Variants in SCML2 observed in about 807,000 individuals in gnomAD.
The protein encoded by SCML2 is sex comb on midleg-like protein 2.
SCML2 carries 6 observed loss-of-function variants against 48.4 expected under a neutral mutation model. That is an observed-to-expected ratio of 0.12 (90% CI 0.07 to 0.24). The LOEUF is 0.24. SCML2 is among the 10% of genes least tolerant of loss of function. The pLI is 1.00. For missense variants in SCML2, 377 were observed against 528.2 expected, an observed-to-expected ratio of 0.71 and a Z score of 2.81; for synonymous variants, 181 against 189.5, an observed-to-expected ratio of 0.95 and a Z score of 0.37.
intron 13 of SCML2, among the ~76,000 whole-genome samples, 170 bp downstream of exon 13, chrX:18,246,407 G>A (rs1014119180): frequency 8.9e-6 from 1 of 112,213 alleles, no homozygotes; most frequent in East Asian, 2.8e-4. Flanking sequence ...GTGCTGTCAA[G>A]AGGATTGGAG....
At chrX:18,248,107 C>T (rs1010120079) in intron 11 of SCML2, among the ~76,000 whole-genome samples, 3 of 111,736 alleles carry the variant, frequency 2.7e-5, no homozygotes, top group Non-Finnish European at 5.6e-5. Context: ...CCAGAAGGAG[C>T]ATATCTAGGC....
intron 8 of SCML2, among the ~76,000 whole-genome samples, chrX:18,262,443 C>T (rs1455224690): frequency 2.0e-5 from 2 of 101,858 alleles, no homozygotes; most frequent in Admixed American, 1.1e-4. Flanking sequence ...TGGGTTCAAG[C>T]GATTCTCGTG....
chrX:18,250,540 C>T (rs1212091970), intron 11 of SCML2, among the ~76,000 whole-genome samples: 3 of 109,836 alleles, frequency 2.7e-5, no homozygotes, highest in Non-Finnish European at 5.7e-5. Context: ...CGCCACCACA[C>T]CTGGCAATTT....
chrX:18,345,400 AT>A (rs1031813656), intron 1 of SCML2, among the ~76,000 whole-genome samples: 3 of 108,374 alleles, frequency 2.8e-5, no homozygotes, highest in African/African-American at 6.7e-5. Flanking sequence ...TTTAAAAACA[AT>A]TTTTTTTTTG....
chrX:18,312,152 T>C (rs1346840120), intron 6 of SCML2, among the ~76,000 whole-genome samples: 1 of 111,992 alleles, frequency 8.9e-6, no homozygotes, highest in African/African-American at 3.2e-5. Flanking sequence ...TGTAAAGTTA[T>C]AAATGCAGAG....
At chrX:18,321,045 GAT>G (rs778548160) in intron 5 of SCML2, among the ~76,000 whole-genome samples, 35 of 111,698 alleles carry the variant, frequency 3.1e-4, no homozygotes, top group African/African-American at 1.1e-3. Context: ...TAGATAGACA[GAT>G]ATGTGATAAA....
intron 7 of SCML2, among the ~76,000 whole-genome samples, chrX:18,267,102 C>T (rs958303729): frequency 8.9e-6 from 1 of 112,049 alleles, no homozygotes; most frequent in Non-Finnish European, 1.9e-5. Context: ...TCATCCTGAC[C>T]TTATCACTGG....
intron 1 of SCML2, among the ~76,000 whole-genome samples, chrX:18,351,795 C>T (rs1930385642): frequency 9.0e-6 from 1 of 111,243 alleles, no homozygotes; most frequent in South Asian, 3.8e-4. Flanking sequence ...AAAAGAAAGG[C>T]AGTAAAATAG....
At chrX:18,333,501 C>A (rs747559163) in intron 2 of SCML2, among the ~76,000 whole-genome samples, 1 of 111,655 alleles carries the variant, frequency 9.0e-6, no homozygotes, top group African/African-American at 3.3e-5. Context: ...ACTGTAAAGG[C>A]ATGCTTAGCT....
intron 5 of SCML2, among the ~76,000 whole-genome samples, chrX:18,322,336 T>C (rs1469032700): frequency 1.8e-5 from 2 of 112,155 alleles, no homozygotes; most frequent in Admixed American, 1.9e-4. Flanking sequence ...TAGTTATGTA[T>C]TTGAAATGCT....
At chrX:18,311,221 T>C (rs917522436) in intron 6 of SCML2, among the ~76,000 whole-genome samples, 1 of 112,094 alleles carries the variant, frequency 8.9e-6, no homozygotes, top group Non-Finnish European at 1.9e-5. Flanking sequence ...CATTTATTCA[T>C]TTACAAATAT....
intron 7 of SCML2, among the ~76,000 whole-genome samples, chrX:18,296,826 AAAG>A (rs1158885632): frequency 2.7e-5 from 3 of 111,639 alleles, no homozygotes; most frequent in Admixed American, 9.5e-5. Context: ...CCAAACTTAT[AAAG>A]AAGAACACCA....
At chrX:18,244,329 A>G (rs1926366893) in intron 13 of SCML2, among the ~76,000 whole-genome samples, 1 of 111,873 alleles carries the variant, frequency 8.9e-6, no homozygotes, top group African/African-American at 3.2e-5. Context: ...AAAGCTAATC[A>G]TATCTCTAAT....
At chrX:18,262,091 A>G (rs1392878427) in intron 8 of SCML2, among the ~76,000 whole-genome samples, 1 of 108,862 alleles carries the variant, frequency 9.2e-6, no homozygotes, top group Non-Finnish European at 1.9e-5. Context: ...TGGAAATGTT[A>G]TAGATACTGA....
At position 18,252,390 on chromosome X, in the gene SCML2, T is replaced by TA. The variant is rs765292979; in HGVS notation, c.1456+4457dup. ...GAAATGTCTAGAATAGGAAAATCTA[T>TA]AAAGACAGAAGAAAGTCAATAAATG... is the stretch of plus-strand genomic sequence containing the variant. On this transcript the variant is annotated intron_variant, in intron 11 of 14. Coordinates refer to ENST00000251900, the MANE Select transcript of SCML2 (RefSeq NM_006089.3). Among the ~76,000 whole-genome samples, 8 of 112,596 alleles carry TA rather than the reference T, an allele frequency of 7.1e-5. No individual in the cohort carries two copies. The South Asian group carries it at 2.9e-3, about 41-fold the overall frequency.
chrX:18,320,276 A>T, intron 6 of SCML2, 56 bp downstream of exon 6: 2 of 691,098 alleles, frequency 2.9e-6, no homozygotes, highest in Non-Finnish European at 4.3e-6. Context: ...TTAAGCATTT[A>T]AGCATTCCCA....
chrX:18,299,181 C>G (rs1260452052), intron 7 of SCML2, among the ~76,000 whole-genome samples: 3 of 111,644 alleles, frequency 2.7e-5, no homozygotes, highest in Non-Finnish European at 3.8e-5. Flanking sequence ...ATACAAGGAA[C>G]TCAACAGCAA....
At chrX:18,315,037 G>C (rs921525393) in intron 6 of SCML2, among the ~76,000 whole-genome samples, 1 of 103,537 alleles carries the variant, frequency 9.7e-6, no homozygotes, top group Non-Finnish European at 2.0e-5. Flanking sequence ...GGTTGCAGGC[G>C]GCAGTGAAGT....
intron 7 of SCML2, among the ~76,000 whole-genome samples, chrX:18,267,789 G>A (rs1394493118): frequency 9.1e-6 from 1 of 110,056 alleles, no homozygotes; most frequent in Non-Finnish European, 1.9e-5. Context: ...GTAGAGACGG[G>A]GTTTCACCAC....
Sources: gnomAD v4.1 joint callset for allele counts (sites outside exome capture counted in the v4.1 genomes callset) on GRCh38, gnomAD v4.1.1 for gene constraint, MANE v1.5 for transcripts, NCBI Gene and HGNC (gene_info 2026-07-23, HGNC 2026-07-21) for gene names.